RECQL5: variants seen among roughly 807,000 people sequenced by gnomAD.
RECQL5 encodes the protein RecQ like helicase 5.
Under a neutral mutation model 103.4 loss-of-function variants are expected in RECQL5, and 88 were observed. The ratio of observed to expected loss-of-function variants is 0.85; its 90% confidence interval spans 0.72 to 1.02. The LOEUF is 1.02. Among genes scored for constraint, RECQL5 ranks in the 50% least tolerant of loss-of-function variants. The pLI is 0.00. For missense variants in RECQL5, 1,232 were observed against 1,284.3 expected (o/e 0.96, Z 0.62); for synonymous variants, 552 against 507.9 (o/e 1.09, Z -1.17).
chr17:75,644,489 C>T lies in RECQL5; in HGVS notation c.1229+6697G>A, dbSNP rs1056652998. On this transcript the variant is annotated intron_variant, in intron 8 of 19. Transcript: ENST00000317905. Reference sequence around the variant, plus strand: ...AGGTGTGGTAGCATACACCTGTGGTCCCAGCTACTCCTGTGGAGGTTGAGG... The same window carrying T: ...AGGTGTGGTAGCATACACCTGTGGTTCCAGCTACTCCTGTGGAGGTTGAGG... Among the ~76,000 whole-genome samples, 6 of 151,968 alleles carry T rather than the reference C, an allele frequency of 3.9e-5. No individual in the cohort carries two copies. The East Asian group carries it at 1.2e-3, about 29-fold the overall frequency.
At chr17:75,663,227 A>G (rs2059722387) in intron 3 of RECQL5, among the ~76,000 whole-genome samples, 1 of 152,240 alleles carries the variant, frequency 6.6e-6, no homozygotes, top group African/African-American at 2.4e-5. Flanking sequence ...TTGCATATAC[A>G]TAATGAGATC....
At chr17:75,633,404 C>G (rs1360666721) in intron 8 of RECQL5, 2 of 1,280,170 alleles carry the variant, frequency 1.6e-6, no homozygotes, top group African/African-American at 1.5e-5. Flanking sequence ...CTCTGGAGCC[C>G]TGCCCTGACA....
intron 8 of RECQL5, among the ~76,000 whole-genome samples, chr17:75,643,499 C>T (rs2059456572): frequency 1.3e-5 from 2 of 152,242 alleles, no homozygotes; most frequent in Admixed American, 6.5e-5. Context: ...GCCCGGCTGT[C>T]GGGCCAACTC....
intron 7 of RECQL5, among the ~76,000 whole-genome samples, chr17:75,656,268 G>C (rs565772502): frequency 6.6e-6 from 1 of 151,740 alleles, no homozygotes; most frequent in South Asian, 2.1e-4. Context: ...AGTAGAGACG[G>C]GGTTTCTCCA....
intron 8 of RECQL5, chr17:75,634,033 G>A (rs1275652563): frequency 2.0e-6 from 2 of 985,508 alleles, no homozygotes; most frequent in African/African-American, 1.7e-5. Context: ...TGGATCTCCA[G>A]GACGACCAAC....
Position 75,665,149 on chromosome 17 carries a change from T to A in RECQL5, c.154A>T (p.Met52Leu). The A allele has an allele frequency of 6.2e-7, 1 of 1,611,264 alleles. No individual in the cohort carries two copies. Among genetic ancestry groups the A allele is most frequent in the Non-Finnish European group, 8.5e-7 (1 of 1,179,104 alleles). The change falls in exon 3 of 20, where the codon ATG (methionine) becomes TTG (leucine). Residue 52 changes from methionine (M) to leucine (L), a missense_variant. Transcript: ENST00000317905. ...AGGGATTTTCCTGCCCCTGTGGGCA[T>A]GCACACAAAGACGTCCTTGTTACCT... The part of the protein sequence containing the change: ...VKGNKDVFVC[M>L]PTGAGKSLCY...
Position 75,651,170 on chromosome 17 carries a change from A to C in RECQL5, c.1229+16T>G. 1 of 1,614,168 alleles carries C rather than the reference A, an allele frequency of 6.2e-7. No individual in the cohort carries two copies. The highest frequency in any genetic ancestry group is 8.5e-7 in the Non-Finnish European group (1 of 1,180,038). On this transcript the variant is annotated intron_variant, in intron 8 of 19. Transcript: ENST00000317905. Reference sequence around the variant, plus strand: ...CTCACTGACACTTTGCTCCACATATAAAATAAGTCACTTACCCCAGTTCTT... The same window carrying C: ...CTCACTGACACTTTGCTCCACATATCAAATAAGTCACTTACCCCAGTTCTT...
Position 75,640,371 on chromosome 17 carries a change from T to C in RECQL5, c.1230-8703A>G. On this transcript the variant is annotated intron_variant, in intron 8 of 19. Coordinates refer to ENST00000317905, the MANE Select transcript of RECQL5 (RefSeq NM_004259.7). The surrounding 1 kb of genome is among the most constrained non-coding windows in gnomAD (Gnocchi z 4.6). Reference sequence around the variant, plus strand: ...GCACCCCATGGCTCTCCCTGGCATCTGGGAGAGACCACACCATGGTGCCAG... The same window carrying C: ...GCACCCCATGGCTCTCCCTGGCATCCGGGAGAGACCACACCATGGTGCCAG... The C allele has an allele frequency of 6.7e-7, 1 of 1,499,238 alleles. No homozygotes were observed. The highest frequency in any genetic ancestry group is 8.9e-7 in the Non-Finnish European group (1 of 1,118,410). The allele number at this position is 1,499,238 out of a possible 1,614,324, so 92.9% of individuals were successfully genotyped here.
intron 18 of RECQL5, 137 bp downstream of exon 18, chr17:75,628,081 G>T: frequency 1.3e-6 from 1 of 749,306 alleles, no homozygotes; most frequent in Non-Finnish European, 2.2e-6. Context: ...CAACGGCAAG[G>T]CAGGCCCCAG....
At position 75,629,277 on chromosome 17, in the gene RECQL5, C is replaced by T. The variant is rs374104768; in HGVS notation, c.2146G>A (p.Val716Ile). The part of the protein sequence containing the change: ...SEPLPGPRGE[V>I]PGGSAHYGGP... ...CCATAGTGAGCGCTGCCTCCAGGGA[C>T]CTCCCCTCTGGGCCCAGGGAGGGGC... The change falls in exon 16 of 20, where the codon GTC becomes ATC. Residue 716 changes from valine (V) to isoleucine (I), a missense_variant. Transcript: ENST00000317905. 799 of 1,601,890 alleles carry T rather than the reference C, an allele frequency of 5.0e-4. 16 individuals are homozygous for T. The South Asian group carries it at 8.6e-3, about 17-fold the overall frequency.
intron 8 of RECQL5, chr17:75,635,758 C>G: frequency 1.0e-6 from 1 of 982,242 alleles, no homozygotes; most frequent in Non-Finnish European, 1.2e-6. Flanking sequence ...GACGAAACAA[C>G]AGGGCAGAGC....
intron 8 of RECQL5, among the ~76,000 whole-genome samples, chr17:75,644,234 G>A (rs1266405802): frequency 6.6e-6 from 1 of 152,180 alleles, no homozygotes; most frequent in African/African-American, 2.4e-5. Context: ...GAACCCAGGA[G>A]GCAGAGGTTG....
chr17:75,666,423 G>T lies in RECQL5; in HGVS notation c.130+5C>A, dbSNP rs756200445. The T allele has an allele frequency of 2.2e-5, 36 of 1,613,634 alleles. No individual in the cohort carries two copies. The highest frequency in any genetic ancestry group is 3.3e-5 in the Admixed American group (2 of 59,870). ...ATTTAAAGGAAGGTAGCTTGGTAAT[G>T]TTACCTTTTACTACAGCCATGGTCG... On this transcript the variant is annotated splice_donor_5th_base_variant and intron_variant, in intron 2 of 19. Coordinates refer to ENST00000317905, the MANE Select transcript of RECQL5 (RefSeq NM_004259.7).
chr17:75,654,061 T>TGGGGAACACATTTGTTGGGAAC (rs1371050211), intron 7 of RECQL5, among the ~76,000 whole-genome samples: 1 of 152,210 alleles, frequency 6.6e-6, no homozygotes, highest in Non-Finnish European at 1.5e-5. Context: ...CCAATATGTT[T>TGGGGAACACATTTGTTGGGAAC]ACAACACAAT....
At chr17:75,627,593 C>T (rs1175796693) in intron 19 of RECQL5, 30 bp downstream of exon 19, 5 of 1,613,334 alleles carry the variant, frequency 3.1e-6, no homozygotes, top group South Asian at 2.2e-5. Flanking sequence ...CTCCCAAGTG[C>T]CTCCTGGCCC....
chr17:75,655,379 T>C (rs2148326532), intron 7 of RECQL5, among the ~76,000 whole-genome samples: 1 of 151,884 alleles, frequency 6.6e-6, no homozygotes, highest in South Asian at 2.1e-4. Flanking sequence ...CCTTTTTTTT[T>C]TTGAGACAGA....
At position 75,631,001 on chromosome 17, in the gene RECQL5, G is replaced by T. The variant is rs768443508; in HGVS notation, c.1558C>A (p.Pro520Thr). 12 of 1,613,732 alleles carry T rather than the reference G, an allele frequency of 7.4e-6. No individual in the cohort carries two copies. The African/African-American group carries it at 1.6e-4, about 22-fold the overall frequency. ...KQMQLRKGKD[P>T]KIEEFVPPDE... ...GGGGGTACAAATTCTTCTATCTTGG[G>T]GTCTTTGCCCTGGAGGACAACATGA... The change falls in exon 11 of 20, where the codon CCC becomes ACC. Residue 520 changes from proline (P) to threonine (T), a missense_variant. By Grantham distance (38) the Pro-to-Thr change is conservative. Coordinates refer to ENST00000317905, the MANE Select transcript of RECQL5 (RefSeq NM_004259.7).
intron 7 of RECQL5, among the ~76,000 whole-genome samples, chr17:75,656,939 T>C (rs937919298): frequency 6.6e-6 from 1 of 151,950 alleles, no homozygotes; most frequent in Non-Finnish European, 1.5e-5. Flanking sequence ...AGAGACGGGG[T>C]TTCACCGTGT....
In RECQL5 at chr17:75,631,550, T is replaced by C. The variant is rs746275634; in HGVS notation, c.1348A>G (p.Ser450Gly). 6.2e-7 allele frequency: 1 copy of C among 1,613,096 alleles called. No homozygotes were observed. The highest frequency in any genetic ancestry group is 8.5e-7 in the Non-Finnish European group (1 of 1,179,972). ...VRRRLEALER[S>G]SSWSKTCIGP... ...ATGCAGGTCTTGCTCCAGCTGCTGC[T>C]GCGCTCCAAGGCCTCCAGCCGCCTC... Residue 450 changes from serine (S) to glycine (G), a missense_variant, in exon 9 of 20, where the codon AGC becomes GGC. Physicochemically the swap from Ser to Gly is moderately conservative, Grantham distance 56. Transcript: ENST00000317905.
Sources: gnomAD v4.1 joint callset for allele counts (sites outside exome capture counted in the v4.1 genomes callset) on GRCh38, gnomAD v4.1.1 for gene constraint, Gnocchi (gnomAD v3.1) non-coding constraint, MANE v1.5 for transcripts, NCBI Gene and HGNC (gene_info 2026-07-23, HGNC 2026-07-21) for gene names.